Variants in PTPRT observed in about 807,000 individuals in gnomAD.
PTPRT encodes the protein protein tyrosine phosphatase receptor type T.
Under a neutral mutation model 176.8 loss-of-function variants are expected in PTPRT, and 56 were observed. The ratio of observed to expected loss-of-function variants is 0.32; its 90% CI spans 0.26 to 0.40. PTPRT has a LOEUF of 0.40. Ranked by LOEUF, PTPRT falls within the 10% of genes least tolerant of loss-of-function variation. PTPRT has a pLI of 1.00. For missense variants in PTPRT, 1,540 were observed against 1,908.2 expected (o/e 0.81, Z 3.60); for synonymous variants, 783 against 739.0 (o/e 1.06, Z -0.96).
At chr20:42,980,228 A>G (rs981658375) in intron 1 of PTPRT, among the ~76,000 whole-genome samples, 4 of 152,194 alleles carry the variant, frequency 2.6e-5, no homozygotes, top group African/African-American at 9.6e-5. Flanking sequence ...GAAAAAAGAG[A>G]AAACCGGATG....
chr20:42,176,117 C>T (rs1222840569), intron 16 of PTPRT, among the ~76,000 whole-genome samples: 3 of 152,148 alleles, frequency 2.0e-5, no homozygotes, highest in East Asian at 3.8e-4. Flanking sequence ...GGTATCATAT[C>T]TGTGTTGTTT....
Position 42,347,345 on chromosome 20 carries a change from T to A in PTPRT, c.1865+3283A>T, listed in dbSNP as rs572751949. Among the ~76,000 whole-genome samples, 3 of 152,332 alleles carry A rather than the reference T, an allele frequency of 2.0e-5. No individual in the cohort carries two copies. The East Asian group carries it at 5.8e-4, about 29-fold the overall frequency. The stretch of plus-strand genomic sequence containing the variant: ...TAGAGTGTCCATATTGTTTTCTCCA[T>A]CCTTCACCTCCCCAACTCACACAAC... On this transcript the variant is annotated intron_variant, in intron 11 of 30. Coordinates refer to ENST00000373187, the MANE Select transcript of PTPRT (RefSeq NM_007050.6).
At chr20:42,414,923 A>C (rs577520495) in intron 9 of PTPRT, among the ~76,000 whole-genome samples, 1 of 152,308 alleles carries the variant, frequency 6.6e-6, no homozygotes. Context: ...ATATCCAGAA[A>C]GTGTTTGAAA....
chr20:42,113,955 A>G (rs1010995419), intron 22 of PTPRT, among the ~76,000 whole-genome samples: 4 of 152,154 alleles, frequency 2.6e-5, no homozygotes, highest in East Asian at 1.9e-4. Context: ...GGCAAACAGT[A>G]TGTCCTAGGC....
chr20:42,404,598 T>C (rs1170398148), intron 9 of PTPRT, among the ~76,000 whole-genome samples: 3 of 152,122 alleles, frequency 2.0e-5, no homozygotes, highest in Non-Finnish European at 4.4e-5. Flanking sequence ...CATTCTGCTC[T>C]CTTGGCCTCA....
intron 7 of PTPRT, among the ~76,000 whole-genome samples, chr20:42,491,616 G>A (rs1256006674): frequency 2.0e-5 from 3 of 152,152 alleles, no homozygotes; most frequent in Non-Finnish European, 2.9e-5. Context: ...TAAGGACACA[G>A]CGTTTGTCCA....
intron 7 of PTPRT, among the ~76,000 whole-genome samples, chr20:42,624,005 C>CAAAAAAAAAAAAAAAAAAAAAAAAAAAAA (rs1159094345): frequency 5.2e-5 from 7 of 135,738 alleles, no homozygotes; most frequent in African/African-American, 2.2e-4. Flanking sequence ...AAAACAATAG[C>CAAAAAAAAAAAAAAAAAAAAAAAAAAAAA]AACAAACAAA....
intron 2 of PTPRT, among the ~76,000 whole-genome samples, chr20:42,810,250 T>C (rs190520487): frequency 6.6e-6 from 1 of 152,244 alleles, no homozygotes; most frequent in Admixed American, 6.5e-5. Context: ...GCAGAGATCA[T>C]GCCACTGCAC....
chr20:43,158,746 G>A (rs1297471516), intron 1 of PTPRT, among the ~76,000 whole-genome samples: 2 of 152,202 alleles, frequency 1.3e-5, no homozygotes, highest in African/African-American at 4.8e-5. Flanking sequence ...TAGGAAGCCA[G>A]TTGTGGGGAG....
At chr20:42,965,423 C>T (rs1568705846) in intron 1 of PTPRT, among the ~76,000 whole-genome samples, 1 of 151,852 alleles carries the variant, frequency 6.6e-6, no homozygotes, top group African/African-American at 2.4e-5. Context: ...GATAATAAAC[C>T]GTAGTAAAAT....
At chr20:42,780,900 A>C (rs563110687) in intron 3 of PTPRT, among the ~76,000 whole-genome samples, 23 of 152,244 alleles carry the variant, frequency 1.5e-4, no homozygotes, top group African/African-American at 5.5e-4. Context: ...AGCTTCCCTC[A>C]TCACTCAACC....
At chr20:42,147,331 T>C (rs1009443495) in intron 17 of PTPRT, among the ~76,000 whole-genome samples, 1 of 152,198 alleles carries the variant, frequency 6.6e-6, no homozygotes, top group Non-Finnish European at 1.5e-5. Context: ...CCATCCACAA[T>C]GGCCTTCCAA....
In PTPRT at chr20:42,282,377, C is replaced by T. The variant is rs566875366; in HGVS notation, c.2176+112G>A. On this transcript the variant is annotated intron_variant, in intron 13 of 30. Transcript: ENST00000373187. Reference sequence around the variant, plus strand: ...ATGCAAATGACTCCGGTGAAAATAACAATTCTTTCTTGTTTTGAGTTACTG... The same window carrying T: ...ATGCAAATGACTCCGGTGAAAATAATAATTCTTTCTTGTTTTGAGTTACTG... 2.7e-6 allele frequency: 3 copies of T among 1,118,384 alleles called. No homozygotes were observed. The South Asian group carries it at 4.5e-5, about 17-fold the overall frequency. The allele number at this position is 1,118,384 out of a possible 1,614,324, so 69.3% of individuals were successfully genotyped here.
chr20:42,907,460 T>C (rs773393892), intron 1 of PTPRT, among the ~76,000 whole-genome samples: 2 of 147,984 alleles, frequency 1.4e-5, no homozygotes, highest in Non-Finnish European at 1.5e-5. Context: ...ACCACAAACA[T>C]TGAAGTTTTT....
chr20:43,185,343 A>T (rs2015364997), intron 1 of PTPRT, among the ~76,000 whole-genome samples: 1 of 152,144 alleles, frequency 6.6e-6, no homozygotes, highest in Non-Finnish European at 1.5e-5. Flanking sequence ...AGTGCTGTGC[A>T]GTTGATCTCC....
At chr20:42,128,920 G>T in intron 18 of PTPRT, 90 bp from the exon 19 acceptor site, 1 of 1,032,548 alleles carries the variant, frequency 9.7e-7, no homozygotes, top group Non-Finnish European at 1.4e-6. Flanking sequence ...ATTAATGACT[G>T]CATATCAGGC....
rs765562512 is a variant in PTPRT, at chr20:42,102,190, G to A, written c.3648C>T (p.Arg1216=). The A allele has an allele frequency of 3.2e-5, 51 of 1,614,072 alleles. No individual in the cohort carries two copies. In the South Asian group the frequency reaches 5.3e-4, roughly 17 times the overall value. ...CCACTGAGATAAGGAAGGGCAGGCA[G>A]CGGTCCAGAGGCAGCACGTCCATAC... The part of the protein sequence containing the change: ...NRSMDVLPLD[R]CLPFLISVDG... Residue 1216 remains arginine (R), a synonymous_variant, in exon 26 of 31, where the codon CGC becomes CGT. Transcript: ENST00000373187.
chr20:42,441,449 G>A (rs1343191705), intron 9 of PTPRT, among the ~76,000 whole-genome samples: 1 of 152,230 alleles, frequency 6.6e-6, no homozygotes, highest in Non-Finnish European at 1.5e-5. Context: ...GGGAAGAGGA[G>A]CGGCAGGTGA....
chr20:42,831,777 T>C (rs2078093460), intron 2 of PTPRT, among the ~76,000 whole-genome samples: 1 of 152,102 alleles, frequency 6.6e-6, no homozygotes. Flanking sequence ...GAAGAAAAAC[T>C]CATTATCACT....
Sources: allele counts gnomAD v4.1 joint callset (sites outside exome capture counted in the v4.1 genomes callset), GRCh38; gene constraint gnomAD v4.1.1; transcripts MANE v1.5; gene names NCBI Gene and HGNC (gene_info 2026-07-23, HGNC 2026-07-21).